STAP1: variants seen among roughly 807,000 people sequenced by gnomAD.
STAP1 encodes the protein signal transducing adaptor family member 1, also known as signal-transducing adaptor protein 1.
STAP1 carries 30 observed loss-of-function variants against 37.8 expected under a neutral mutation model. The observed-to-expected ratio is 0.79, with a 90% CI of 0.59 to 1.08. The LOEUF (loss-of-function observed/expected upper bound fraction) is 1.08, where lower values mean the gene tolerates loss of function less well. Ranked by LOEUF, STAP1 falls within the 50% of genes least tolerant of loss-of-function variation. STAP1 has a pLI of 0.00. For synonymous variants in STAP1, 130 were observed against 116.0 expected (o/e 1.12, Z -0.78); for missense variants, 357 against 349.4 (o/e 1.02, Z -0.17).
rs1483219455 is a variant in STAP1, at chr4:67,606,334, A to G, written c.865A>G (p.Lys289Glu). 6.2e-7 allele frequency: 1 copy of G among 1,611,676 alleles called. No individual in the cohort carries two copies. Residue 289 changes from lysine (K) to glutamate (E), a missense_variant, in exon 9 of 9, where the codon AAG becomes GAG. By Grantham distance (56) the Lys-to-Glu change is moderately conservative. Transcript: ENST00000265404. ...TATGGAAGGGAGAAGTGAAAAGTTG[A>G]AGAAAAATCCACACATTGCATGAAA... The part of the protein sequence containing the change: ...PSMEGRSEKL[K>E]KNPHIA
chr4:67,562,135 G>A (rs1452131777), intron 1 of STAP1, among the ~76,000 whole-genome samples: 1 of 143,360 alleles, frequency 7.0e-6, no homozygotes, highest in Non-Finnish European at 1.5e-5. Flanking sequence ...AAGAAAATAA[G>A]AGATAGTTTG....
intron 4 of STAP1, among the ~76,000 whole-genome samples, chr4:67,579,754 A>G (rs1470118517): frequency 6.6e-6 from 1 of 152,202 alleles, no homozygotes; most frequent in South Asian, 2.1e-4. Flanking sequence ...ATTCATCCCC[A>G]TGACCCAAAC....
intron 8 of STAP1, among the ~76,000 whole-genome samples, chr4:67,599,735 G>A (rs564281494): frequency 2.0e-5 from 3 of 151,596 alleles, no homozygotes; most frequent in South Asian, 2.1e-4. Context: ...TCCACCTCCC[G>A]GGTTCAAGCG....
chr4:67,563,533 C>T (rs1727398721), intron 1 of STAP1, among the ~76,000 whole-genome samples: 2 of 152,118 alleles, frequency 1.3e-5, no homozygotes, highest in South Asian at 4.2e-4. Context: ...TAGCGAAACC[C>T]CATTTCTACA....
At chr4:67,561,488 T>C (rs1225477459) in intron 1 of STAP1, among the ~76,000 whole-genome samples, 1 of 152,166 alleles carries the variant, frequency 6.6e-6, no homozygotes, top group Non-Finnish European at 1.5e-5. Flanking sequence ...TGGGGCACTT[T>C]TAAGTATTTA....
At chr4:67,597,217 C>T (rs1219466889) in intron 8 of STAP1, among the ~76,000 whole-genome samples, 7 of 152,194 alleles carry the variant, frequency 4.6e-5, no homozygotes, top group Non-Finnish European at 8.8e-5. Flanking sequence ...CAGGTTGGTG[C>T]TTCAGAAGGT....
chr4:67,590,926 A>C lies in STAP1; in HGVS notation c.702A>C (p.Gln234His). 1 of 1,612,546 alleles carries C rather than the reference A, an allele frequency of 6.2e-7. No homozygotes were observed. The highest frequency in any genetic ancestry group is 8.5e-7 in the Non-Finnish European group (1 of 1,179,380). The change falls in exon 7 of 9, where the codon CAA becomes CAC. Residue 234 changes from glutamine (Q) to histidine (H), a missense_variant. By Grantham distance (24) the Gln-to-His change is conservative (BLOSUM62 0). Coordinates refer to ENST00000265404, the MANE Select transcript of STAP1 (RefSeq NM_012108.4). ...ACTACAAAGTGATGAGCGTAGGACA[A>C]AACTACACTATTGAACTGGAAAAAC... ...IKHYKVMSVG[Q>H]NYTIELEKPV...
intron 8 of STAP1, 75 bp downstream of exon 8, chr4:67,593,431 G>T: frequency 9.4e-7 from 1 of 1,059,874 alleles, no homozygotes; most frequent in Non-Finnish European, 1.4e-6. Flanking sequence ...CTCTGCATAT[G>T]ATTGATAGTA....
At chr4:67,573,669 A>G (rs576824471) in intron 2 of STAP1, among the ~76,000 whole-genome samples, 126 of 152,342 alleles carry the variant, frequency 8.3e-4, no homozygotes, top group Non-Finnish European at 1.4e-3. Context: ...TAAAATATAT[A>G]TACATTGTGG....
intron 5 of STAP1, among the ~76,000 whole-genome samples, chr4:67,582,394 C>A (rs1727883691): frequency 6.6e-6 from 1 of 151,898 alleles, no homozygotes; most frequent in Non-Finnish European, 1.5e-5. Context: ...CTGCAATCTC[C>A]ACCTCTGGGT....
intron 3 of STAP1, among the ~76,000 whole-genome samples, chr4:67,576,666 T>G (rs530426507): frequency 5.9e-5 from 9 of 152,294 alleles, no homozygotes; most frequent in African/African-American, 2.2e-4. Context: ...GCTAATTTTT[T>G]GTATTTTTTG....
intron 7 of STAP1, 128 bp from the exon 8 acceptor site, chr4:67,593,132 T>G: frequency 1.7e-6 from 1 of 602,622 alleles, no homozygotes; most frequent in Non-Finnish European, 2.9e-6. Context: ...TAGGTAAAAC[T>G]ATGGTCATAC....
At position 67,573,147 on chromosome 4, in the gene STAP1, G is replaced by A. The variant is rs527435953; in HGVS notation, c.192+1992G>A. Among the ~76,000 whole-genome samples the A allele has an allele frequency of 4.6e-5, 7 of 152,216 alleles. No individual in the cohort carries two copies. In the South Asian group the frequency reaches 6.2e-4, roughly 14 times the overall value. On this transcript the variant is annotated intron_variant, in intron 2 of 8. Coordinates refer to ENST00000265404, the MANE Select transcript of STAP1 (RefSeq NM_012108.4). ...ATATTTGAAAGGCTGTCAGGAAGTC[G>A]TGTGAAAGGGTCACTGAATTTGTTT...
Position 67,571,079 on chromosome 4 carries a change from C to T in STAP1, c.121-5C>T. ...GAAATAATGTTTATGGTTTCTTTCCCACAGGAGTATGAGCATTACTGGACA... is the reference window on the plus strand; with the variant it reads ...GAAATAATGTTTATGGTTTCTTTCCTACAGGAGTATGAGCATTACTGGACA... On this transcript the variant is annotated splice_polypyrimidine_tract_variant and splice_region_variant and intron_variant, in intron 1 of 8. Coordinates refer to ENST00000265404, the MANE Select transcript of STAP1 (RefSeq NM_012108.4). 1 of 1,607,828 alleles carries T rather than the reference C, an allele frequency of 6.2e-7. No individual in the cohort carries two copies. The highest frequency in any genetic ancestry group is 8.5e-7 in the Non-Finnish European group (1 of 1,175,286).
rs1490679045 is a variant in STAP1 at position 67,595,376 on chromosome 4, A to C, written c.826+2020A>C. Among the ~76,000 whole-genome samples, 4 of 61,888 alleles carry C rather than the reference A, an allele frequency of 6.5e-5. No individual in the cohort carries two copies. The South Asian group carries it at 2.0e-3, about 31-fold the overall frequency. 40.6% of individuals were successfully genotyped at this position (61,888 alleles called of 152,430 possible). On this transcript the variant is annotated intron_variant, in intron 8 of 8. Transcript: ENST00000265404. ...CATAGGGAGACTTCGTTTCTACAAA[A>C]AAAAAAAAAAAAAAAAAAAAAAAAA...
intron 5 of STAP1, 123 bp downstream of exon 5, chr4:67,581,594 G>A: frequency 9.6e-7 from 1 of 1,039,880 alleles, no homozygotes; most frequent in Non-Finnish European, 1.4e-6. Flanking sequence ...GGGATAAACT[G>A]TATATCTCTG....
At chr4:67,562,188 A>G (rs188805252) in intron 1 of STAP1, among the ~76,000 whole-genome samples, 1 of 139,046 alleles carries the variant, frequency 7.2e-6, no homozygotes, top group Admixed American at 7.1e-5. Context: ...GTGCTAAAGT[A>G]AAAAAAAAAA....
intron 8 of STAP1, among the ~76,000 whole-genome samples, chr4:67,604,889 GGGTCTGTAT>G (rs1728417859): frequency 1.3e-5 from 2 of 152,114 alleles, no homozygotes; most frequent in Non-Finnish European, 2.9e-5. Flanking sequence ...ATGCTGTTTT[GGGTCTGTAT>G]TCAGCCTGGG....
chr4:67,569,613 A>AT (rs756123843), intron 1 of STAP1, among the ~76,000 whole-genome samples: 65 of 148,456 alleles, frequency 4.4e-4, no homozygotes, highest in Non-Finnish European at 7.6e-4. Flanking sequence ...TCTTTATTTT[A>AT]TTTTTTTTTA....
Sources: gnomAD v4.1 joint callset for allele counts (sites outside exome capture counted in the v4.1 genomes callset) on GRCh38, gnomAD v4.1.1 for gene constraint, MANE v1.5 for transcripts, NCBI Gene and HGNC (gene_info 2026-07-23, HGNC 2026-07-21) for gene names.